CNTN4: variants seen among roughly 807,000 people sequenced by gnomAD.
The protein encoded by CNTN4 is contactin-4.
Under a neutral mutation model 122.5 loss-of-function variants are expected in CNTN4, and 77 were observed. The ratio of observed to expected loss-of-function variants is 0.63; its 90% CI spans 0.52 to 0.76. The LOEUF is 0.76. CNTN4 is among the 30% of genes least tolerant of loss of function. The pLI is 0.00. For synonymous variants in CNTN4, 512 were observed against 447.0 expected, an observed-to-expected ratio of 1.15 and a Z score of -1.83; for missense variants, 1,256 against 1,259.1, an observed-to-expected ratio of 1.00 and a Z score of 0.04.
At chr3:2,922,649 G>A (rs1223773135) in intron 12 of CNTN4, among the ~76,000 whole-genome samples, 1 of 112,754 alleles carries the variant, frequency 8.9e-6, no homozygotes, top group East Asian at 2.6e-4. Context: ...GTCTAGCTCT[G>A]TCCCCCAGGC....
chr3:2,659,568 G>C (rs1450934910), intron 4 of CNTN4, among the ~76,000 whole-genome samples: 1 of 151,008 alleles, frequency 6.6e-6, no homozygotes, highest in Non-Finnish European at 1.5e-5. Flanking sequence ...TGAGGTTTTT[G>C]TTCTCTTATG....
At chr3:2,580,297 G>C (rs1423438614) in intron 4 of CNTN4, among the ~76,000 whole-genome samples, 1 of 152,152 alleles carries the variant, frequency 6.6e-6, no homozygotes, top group Non-Finnish European at 1.5e-5. Flanking sequence ...GTGCCAATTA[G>C]AGACATCCAT....
At chr3:2,907,052 A>G (rs1190547469) in intron 12 of CNTN4, among the ~76,000 whole-genome samples, 1 of 152,180 alleles carries the variant, frequency 6.6e-6, no homozygotes, top group Non-Finnish European at 1.5e-5. Context: ...CTCTTAAGTG[A>G]ATAAGGGAGA....
At chr3:2,301,994 A>T (rs1320047769) in intron 2 of CNTN4, among the ~76,000 whole-genome samples, 1 of 152,240 alleles carries the variant, frequency 6.6e-6, no homozygotes, top group Admixed American at 6.5e-5. Context: ...ATACGTGTGT[A>T]TGTGCATGTG....
intron 2 of CNTN4, among the ~76,000 whole-genome samples, chr3:2,133,947 A>G (rs1488000071): frequency 2.0e-5 from 3 of 152,180 alleles, no homozygotes; most frequent in Admixed American, 6.5e-5. Flanking sequence ...TATAAAAGCT[A>G]TATTTCTCTT....
chr3:2,377,418 C>G (rs1449237974), intron 3 of CNTN4, among the ~76,000 whole-genome samples: 1 of 152,202 alleles, frequency 6.6e-6, no homozygotes, highest in Non-Finnish European at 1.5e-5. Context: ...CTCACCCACA[C>G]ACAGGTTGTT....
At chr3:2,590,536 T>C (rs113075946) in intron 4 of CNTN4, among the ~76,000 whole-genome samples, 1 of 151,894 alleles carries the variant, frequency 6.6e-6, no homozygotes, top group African/African-American at 2.4e-5. Flanking sequence ...TGGCTTACTG[T>C]TACACATAGG....
chr3:2,396,656 G>GTTT lies in CNTN4; in HGVS notation c.-89+57435_-89+57437dup, dbSNP rs752074730. On this transcript the variant is annotated intron_variant, in intron 3 of 24. Coordinates refer to ENST00000418658, the MANE Select transcript of CNTN4 (RefSeq NM_175607.3). ...TTTAAAACTCAAGTGTTATGTCTGG[G>GTTT]TTTTTTTTTTTTTTATTAACCTCTC... is the stretch of plus-strand genomic sequence containing the variant. 5.2e-4 allele frequency among the ~76,000 whole-genome samples: 75 copies of GTTT among 145,148 alleles called. 2 individuals are homozygous for GTTT. Among genetic ancestry groups the GTTT allele is most frequent in the Non-Finnish European group, 8.7e-4 (58 of 66,308 alleles).
chr3:2,195,476 T>G (rs2037790911), intron 2 of CNTN4, among the ~76,000 whole-genome samples: 1 of 152,210 alleles, frequency 6.6e-6, no homozygotes, highest in Non-Finnish European at 1.5e-5. Flanking sequence ...GGCAGTTCTA[T>G]TTTTAGTTTT....
At chr3:2,573,314 T>C (rs77075440) in intron 4 of CNTN4, among the ~76,000 whole-genome samples, 3,891 of 152,304 alleles carry the variant, frequency 0.026, 166 homozygotes, top group African/African-American at 0.089. Context: ...AGTTCACGTC[T>C]TCCCCGCTGC....
At chr3:2,626,363 G>A (rs139279102) in intron 4 of CNTN4, among the ~76,000 whole-genome samples, 27 of 152,150 alleles carry the variant, frequency 1.8e-4, no homozygotes, top group Non-Finnish European at 3.2e-4. Flanking sequence ...CAGGCGTGGT[G>A]GTGGGCACCT....
intron 7 of CNTN4, among the ~76,000 whole-genome samples, chr3:2,822,543 A>G (rs2092899874): frequency 6.6e-6 from 1 of 152,220 alleles, no homozygotes; most frequent in South Asian, 2.1e-4. Context: ...AATCTGATCA[A>G]AATAAAAATG....
intron 3 of CNTN4, among the ~76,000 whole-genome samples, chr3:2,543,293 C>G (rs2078105243): frequency 6.6e-6 from 1 of 152,112 alleles, no homozygotes; most frequent in African/African-American, 2.4e-5. Context: ...GAGCTGTTCA[C>G]TTAAAGCACT....
chr3:2,199,072 G>T (rs1336650034), intron 2 of CNTN4, among the ~76,000 whole-genome samples: 7 of 152,176 alleles, frequency 4.6e-5, no homozygotes, highest in African/African-American at 1.7e-4. Flanking sequence ...AAACATATAA[G>T]CAGTATAATT....
intron 2 of CNTN4, among the ~76,000 whole-genome samples, chr3:2,283,029 G>A (rs1300857428): frequency 6.6e-6 from 1 of 152,072 alleles, no homozygotes; most frequent in African/African-American, 2.4e-5. Context: ...TAATGGGTAT[G>A]GAGTTTCTTT....
In CNTN4 at chr3:2,102,496, C is replaced by T. The variant is rs544936769; in HGVS notation, c.-145+1857C>T. On this transcript the variant is annotated intron_variant, in intron 2 of 24. Transcript: ENST00000418658. ...AACAGATCCAAAAGGGATACTGCCT[C>T]AGATGTGAAATATATTTATTTCTCG... Among the ~76,000 whole-genome samples, 4 of 152,246 alleles carry T rather than the reference C, an allele frequency of 2.6e-5. No individual in the cohort carries two copies. The South Asian group carries it at 6.2e-4, about 24-fold the overall frequency.
chr3:2,482,795 T>C (rs113628280), intron 3 of CNTN4, among the ~76,000 whole-genome samples: 1 of 152,330 alleles, frequency 6.6e-6, no homozygotes, highest in African/African-American at 2.4e-5. Context: ...AAGTCAAGAA[T>C]TGAGGTTTGA....
intron 4 of CNTN4, among the ~76,000 whole-genome samples, chr3:2,714,516 A>C (rs1462059559): frequency 6.6e-6 from 1 of 152,104 alleles, no homozygotes; most frequent in Non-Finnish European, 1.5e-5. Flanking sequence ...GGAAGATAGC[A>C]CCTGTGGAGT....
chr3:2,175,217 T>A (rs2036697833), intron 2 of CNTN4, among the ~76,000 whole-genome samples: 1 of 152,206 alleles, frequency 6.6e-6, no homozygotes, highest in Non-Finnish European at 1.5e-5. Context: ...CTTGCAAATG[T>A]TCATTAGTCT....
Sources: allele counts gnomAD v4.1 joint callset (sites outside exome capture counted in the v4.1 genomes callset), GRCh38; gene constraint gnomAD v4.1.1; transcripts MANE v1.5; gene names NCBI Gene and HGNC (gene_info 2026-07-23, HGNC 2026-07-21).